WIPI2: variants seen among roughly 807,000 people sequenced by gnomAD.
WIPI2 encodes WD repeat domain phosphoinositide-interacting protein 2.
A neutral mutation model predicts 52.3 loss-of-function variants in WIPI2; 28 were observed. The ratio of observed to expected loss-of-function variants is 0.54; its 90% CI spans 0.40 to 0.73. The LOEUF (loss-of-function observed/expected upper bound fraction) is 0.73. Ranked by LOEUF, WIPI2 falls within the 30% of genes least tolerant of loss-of-function variation. The pLI, the probability that WIPI2 is intolerant of heterozygous loss-of-function variation, is 0.00. For synonymous variants in WIPI2, 268 were observed against 245.0 expected (o/e 1.09, Z -0.88); for missense variants, 506 against 602.9 (o/e 0.84, Z 1.68).
rs1432692113 is a variant in WIPI2 at position 5,214,689 on chromosome 7, G to T, written c.366G>T (p.Val122=). 6.2e-7 allele frequency: 1 copy of T among 1,614,144 alleles called. No homozygotes were observed. Among genetic ancestry groups the T allele is most frequent in the South Asian group, 1.1e-5 (1 of 91,086 alleles). ...GCTACTCCAACACGATTCTGGCTGT[G>T]AAGCTCAACAGGCAGGTGAGCGCTG... ...NYSYSNTILA[V]KLNRQRLIVC... Residue 122 remains valine, a synonymous_variant, in exon 4 of 13, where the codon GTG becomes GTT. Transcript: ENST00000288828.
rs575058266 is a variant in WIPI2 at position 5,233,791 on chromosome 7, G to C, written c.*2844G>C. ...ACGCCCAGCTCGGTGCCCAGCCAGC[G>C]GTGGGCACCCAATAAACGCTACAAC... On this transcript the variant is annotated 3_prime_UTR_variant, in exon 13 of 13. Transcript: ENST00000288828. The C allele has an allele frequency of 6.6e-6, 1 of 152,228 alleles. No individual in the cohort carries two copies. The highest frequency in any genetic ancestry group is 1.5e-5 in the Non-Finnish European group (1 of 68,048). The allele number at this position is 152,228 out of a possible 1,614,324, so 9.4% of individuals were successfully genotyped here. A position where few individuals can be genotyped will look rare whatever the true frequency, so the allele number is the denominator to read the frequency against.
rs1389853590 is a variant in WIPI2, at chr7:5,227,405, C to G, written c.1013+61C>G. ...GTGCCTCAGGCCGAGGGGCCCAGTCCTGGCGGCTTGTGGCCCCTTCCGTGC... is the reference window on the plus strand; with the variant it reads ...GTGCCTCAGGCCGAGGGGCCCAGTCGTGGCGGCTTGTGGCCCCTTCCGTGC... On this transcript the variant is annotated intron_variant, in intron 10 of 12. Coordinates refer to ENST00000288828, the MANE Select transcript of WIPI2 (RefSeq NM_015610.4). This position sits in a 1 kb window ranked among gnomAD's most constrained non-coding sequence, Gnocchi z 8.1. 1.3e-6 allele frequency: 2 copies of G among 1,581,298 alleles called. No individual in the cohort carries two copies. Among genetic ancestry groups the G allele is most frequent in the African/African-American group, 1.3e-5 (1 of 74,252 alleles).
chr7:5,211,703 C>T (rs77820624), intron 3 of WIPI2, among the ~76,000 whole-genome samples: 1 of 152,112 alleles, frequency 6.6e-6, no homozygotes, highest in African/African-American at 2.4e-5. Context: ...AATAAAAAAC[C>T]AGTTTTGTGT....
intron 3 of WIPI2, among the ~76,000 whole-genome samples, chr7:5,200,678 G>C (rs1781979545): frequency 6.6e-6 from 1 of 152,098 alleles, no homozygotes; most frequent in African/African-American, 2.4e-5. Context: ...CTTTGTGCTG[G>C]TGACTTTTAA....
intron 2 of WIPI2, among the ~76,000 whole-genome samples, chr7:5,197,059 C>A: frequency 8.1e-6 from 1 of 123,950 alleles, no homozygotes. Context: ...TTTCAGTGAG[C>A]CAGGATCGCG....
chr7:5,200,849 A>C (rs1052304740), intron 3 of WIPI2, among the ~76,000 whole-genome samples: 6 of 152,176 alleles, frequency 3.9e-5, no homozygotes, highest in African/African-American at 7.2e-5. Context: ...CCCCAAGAGC[A>C]AGTACCCAGG....
At position 5,217,202 on chromosome 7, in the gene WIPI2, C is replaced by T. The variant is rs1782858659; in HGVS notation, c.576+15C>T. 1.2e-6 allele frequency: 2 copies of T among 1,613,680 alleles called. No homozygotes were observed. The highest frequency in any genetic ancestry group is 1.7e-6 in the Non-Finnish European group (2 of 1,179,634). On this transcript the variant is annotated intron_variant, in intron 6 of 12. Coordinates refer to ENST00000288828, the MANE Select transcript of WIPI2 (RefSeq NM_015610.4). Reference sequence around the variant, plus strand: ...CCATTAATTTGGTGAGATGCCTTTCCTGCTCGAATAGCTCTCTAAAGTGTG... The same window carrying T: ...CCATTAATTTGGTGAGATGCCTTTCTTGCTCGAATAGCTCTCTAAAGTGTG...
At chr7:5,221,610 C>T (rs1297286417) in intron 7 of WIPI2, among the ~76,000 whole-genome samples, 1 of 152,142 alleles carries the variant, frequency 6.6e-6, no homozygotes, top group Non-Finnish European at 1.5e-5. Context: ...TTTCTTGGCG[C>T]TTCTCTGTTT....
At chr7:5,209,798 C>G (rs1341256774) in intron 3 of WIPI2, among the ~76,000 whole-genome samples, 3 of 152,188 alleles carry the variant, frequency 2.0e-5, no homozygotes, top group Non-Finnish European at 4.4e-5. Flanking sequence ...AAATCCATCT[C>G]AGTATATCTA....
chr7:5,226,193 C>T, intron 9 of WIPI2: 3 of 434,216 alleles, frequency 6.9e-6, no homozygotes, highest in East Asian at 4.3e-5. Context: ...AGGTGGACAT[C>T]CTTTTGTCAG....
At chr7:5,207,564 T>C (rs1203064310) in intron 3 of WIPI2, among the ~76,000 whole-genome samples, 5 of 152,182 alleles carry the variant, frequency 3.3e-5, no homozygotes, top group Non-Finnish European at 7.3e-5. Context: ...GTTCAGCTAT[T>C]ATGAACAAAG....
At chr7:5,201,987 A>G (rs528617735) in intron 3 of WIPI2, among the ~76,000 whole-genome samples, 39 of 152,226 alleles carry the variant, frequency 2.6e-4, no homozygotes, top group Non-Finnish European at 5.0e-4. Flanking sequence ...TCTAGAAAAC[A>G]GGTTAGCTAC....
At chr7:5,220,897 G>A (rs1370193708) in intron 7 of WIPI2, among the ~76,000 whole-genome samples, 6 of 151,572 alleles carry the variant, frequency 4.0e-5, no homozygotes, top group African/African-American at 9.7e-5. Flanking sequence ...GGGCTCAAGC[G>A]ATTCTCGTGC....
rs763421254 is a variant in WIPI2 at position 5,217,292 on chromosome 7, G to A, written c.576+105G>A. On this transcript the variant is annotated intron_variant, in intron 6 of 12. Transcript: ENST00000288828. ...CCTGACTTGGCTCAGCAATACAACC[G>A]CTGCACTTTTTTGTTTGTTTGTTTG... 9.3e-5 allele frequency: 109 copies of A among 1,177,388 alleles called. No homozygotes were observed. The Middle Eastern group carries it at 1.4e-3, about 15-fold the overall frequency. The allele number at this position is 1,177,388 out of a possible 1,614,324, so 72.9% of individuals were successfully genotyped here.
At chr7:5,193,356 T>C (rs1455492732) in intron 2 of WIPI2, 185 bp downstream of exon 2, 6 of 1,397,092 alleles carry the variant, frequency 4.3e-6, no homozygotes, top group African/African-American at 2.9e-5. Context: ...GTTAGTGATG[T>C]AGCAATGTCT....
At chr7:5,198,240 C>T (rs1781846379) in intron 2 of WIPI2, among the ~76,000 whole-genome samples, 1 of 152,138 alleles carries the variant, frequency 6.6e-6, no homozygotes, top group East Asian at 1.9e-4. Flanking sequence ...TAAAGGCCTG[C>T]AGAAGCACAG....
At chr7:5,200,577 G>T (rs1781974311) in intron 3 of WIPI2, among the ~76,000 whole-genome samples, 1 of 151,828 alleles carries the variant, frequency 6.6e-6, no homozygotes, top group Admixed American at 6.6e-5. Flanking sequence ...TTTTGAGACG[G>T]AGTTTTGCTC....
chr7:5,233,006 C>T lies in WIPI2; in HGVS notation c.*2059C>T, dbSNP rs897022972. On this transcript the variant is annotated 3_prime_UTR_variant, in exon 13 of 13. Coordinates refer to ENST00000288828, the MANE Select transcript of WIPI2 (RefSeq NM_015610.4). ...AGGCAGTTGCAGAGGAGGCCTCGGA[C>T]GTCCTGTGACCCTCGGCCCACACTC... 3 of 152,280 alleles carry T rather than the reference C, an allele frequency of 2.0e-5. No individual in the cohort carries two copies. The highest frequency in any genetic ancestry group is 2.1e-4 in the South Asian group (1 of 4,832). The allele number at this position is 152,280 out of a possible 1,614,324, so 9.4% of individuals were successfully genotyped here.
At chr7:5,208,760 A>G (rs761832979) in intron 3 of WIPI2, among the ~76,000 whole-genome samples, 2 of 152,042 alleles carry the variant, frequency 1.3e-5, no homozygotes, top group South Asian at 4.1e-4. Flanking sequence ...AGTCTCTTCT[A>G]ATGATCTATT....
Sources: gnomAD v4.1 joint callset for allele counts (sites outside exome capture counted in the v4.1 genomes callset) on GRCh38, gnomAD v4.1.1 for gene constraint, Gnocchi (gnomAD v3.1) non-coding constraint, MANE v1.5 for transcripts, NCBI Gene and HGNC (gene_info 2026-07-23, HGNC 2026-07-21) for gene names.